TP63: variants seen among roughly 807,000 people sequenced by gnomAD.
TP63 encodes the protein tumor protein 63.
A neutral mutation model predicts 82.8 loss-of-function variants in TP63; 17 were observed. The observed-to-expected ratio is 0.21, with a 90% CI of 0.14 to 0.31. TP63 has a LOEUF of 0.31. Among genes scored for constraint, TP63 ranks in the 10% least tolerant of loss-of-function variants. The pLI is 1.00. For synonymous variants in TP63, 330 were observed against 321.7 expected (o/e 1.03, Z -0.28); for missense variants, 648 against 895.3 (o/e 0.72, Z 3.52).
At chr3:189,881,483 T>C in intron 10 of TP63, 1 of 985,428 alleles carries the variant, frequency 1.0e-6, no homozygotes, top group Non-Finnish European at 1.2e-6. Context: ...AATAAACTTT[T>C]GCATCTTGGT....
At chr3:189,753,734 T>A (rs1341015547) in intron 3 of TP63, among the ~76,000 whole-genome samples, 1 of 152,072 alleles carries the variant, frequency 6.6e-6, no homozygotes, top group Non-Finnish European at 1.5e-5. Context: ...CCTGTGCTCC[T>A]CCCTTTCTTT....
In TP63 at chr3:189,869,372, G is replaced by A. The variant is rs1173679499; in HGVS notation, c.1178G>A (p.Arg393Gln). 14 of 1,614,016 alleles carry A rather than the reference G, an allele frequency of 8.7e-6. No individual in the cohort carries two copies. The highest frequency in any genetic ancestry group is 2.2e-5 in the East Asian group (1 of 44,866). The change falls in exon 9 of 14, where the codon CGA (arginine) becomes CAA (glutamine). Residue 393 changes from arginine (R) to glutamine (Q), a missense_variant. By Grantham distance (43) the Arg-to-Gln change is conservative (BLOSUM62 1). Around this residue, in one of 5 missense-constraint regions of TP63, gnomAD observed 342 missense variants for 425.7 expected, o/e 0.80. Transcript: ENST00000264731. ...ATCCAGATGACATCCATCAAGAAAC[G>A]AAGATCCCCAGATGATGAACTGTTA... ...HGIQMTSIKK[R>Q]RSPDDELLYL...
intron 3 of TP63, among the ~76,000 whole-genome samples, chr3:189,744,904 T>C (rs568432881): frequency 2.0e-5 from 3 of 151,994 alleles, no homozygotes; most frequent in African/African-American, 7.2e-5. Flanking sequence ...ACTGCAGGAG[T>C]CCAAAGGCTG....
intron 4 of TP63, among the ~76,000 whole-genome samples, chr3:189,825,061 G>C (rs938750853): frequency 1.3e-5 from 2 of 152,198 alleles, no homozygotes; most frequent in Non-Finnish European, 2.9e-5. Flanking sequence ...TGGCAAAGAA[G>C]GTAAAATGGT....
intron 13 of TP63, among the ~76,000 whole-genome samples, chr3:189,891,491 C>G (rs1309335657): frequency 6.6e-6 from 1 of 152,184 alleles, no homozygotes; most frequent in Non-Finnish European, 1.5e-5. Context: ...TAGAGCCCAG[C>G]CATTTCTAAT....
At chr3:189,797,598 G>A (rs1725845794) in intron 3 of TP63, among the ~76,000 whole-genome samples, 1 of 152,042 alleles carries the variant, frequency 6.6e-6, no homozygotes, top group African/African-American at 2.4e-5. Flanking sequence ...AACATCAGAT[G>A]TTTGGGGAAT....
intron 3 of TP63, among the ~76,000 whole-genome samples, chr3:189,765,782 C>T (rs557229753): frequency 1.3e-5 from 2 of 152,180 alleles, no homozygotes; most frequent in Admixed American, 1.3e-4. Context: ...AAGCACTGGC[C>T]TAGGAGCCAG....
intron 10 of TP63, among the ~76,000 whole-genome samples, chr3:189,875,621 T>TAC (rs1207174894): frequency 9.9e-6 from 1 of 101,406 alleles, no homozygotes; most frequent in African/African-American, 3.5e-5. Context: ...TATATATATA[T>TAC]ATATATATAT....
chr3:189,894,697 T>A lies in TP63; in HGVS notation c.*195T>A. ...TAATTCTGATTCTGGCTTTAAGCCT[T>A]CAAAACTATAGCTTGCAGAACTGTA... On this transcript the variant is annotated 3_prime_UTR_variant, in exon 14 of 14. Coordinates refer to ENST00000264731, the MANE Select transcript of TP63 (RefSeq NM_003722.5). 2.9e-6 allele frequency: 2 copies of A among 684,748 alleles called. No individual in the cohort carries two copies. The highest frequency in any genetic ancestry group is 2.4e-6 in the Non-Finnish European group (1 of 414,856). 42.4% of individuals were successfully genotyped at this position (684,748 alleles called of 1,614,324 possible).
At chr3:189,667,287 G>T (rs900721855) in intron 1 of TP63, among the ~76,000 whole-genome samples, 2 of 148,698 alleles carry the variant, frequency 1.3e-5, no homozygotes, top group Admixed American at 6.9e-5. Flanking sequence ...AGATTCTCCT[G>T]CCTCAGCCTC....
the TP63 span, among the ~76,000 whole-genome samples, chr3:189,610,028 CTCA>C: frequency 5.3e-5 from 8 of 152,190 alleles, no homozygotes; most frequent in African/African-American, 1.9e-4. Flanking sequence ...TCTCAGCAAT[CTCA>C]CTAGCATTTG....
chr3:189,765,433 C>CCTTTTTTTT (rs1722869060), intron 3 of TP63, among the ~76,000 whole-genome samples: 1 of 30,088 alleles, frequency 3.3e-5, no homozygotes, highest in Non-Finnish European at 5.9e-5. Context: ...CTGTCCTCTG[C>CCTTTTTTTT]TTTTTTTTTT....
chr3:189,597,928 C>CAAAAAAAAAAA, the TP63 span, among the ~76,000 whole-genome samples: 1 of 130,868 alleles, frequency 7.6e-6, no homozygotes, highest in Non-Finnish European at 1.7e-5. Flanking sequence ...GACCCTGCCT[C>CAAAAAAAAAAA]AAAAAAAAAA....
At chr3:189,789,824 C>T (rs1576959953) in intron 3 of TP63, 2 of 1,596,560 alleles carry the variant, frequency 1.3e-6, no homozygotes, top group Non-Finnish European at 1.7e-6. Flanking sequence ...AAAACAATGC[C>T]CAGACTCAAT....
At chr3:189,662,112 G>C (rs1713936571) in intron 1 of TP63, among the ~76,000 whole-genome samples, 1 of 151,750 alleles carries the variant, frequency 6.6e-6, no homozygotes, top group South Asian at 2.1e-4. Context: ...CTAATTTTGG[G>C]GTTAGTTTGT....
At chr3:189,650,674 A>G (rs144861766) in intron 1 of TP63, among the ~76,000 whole-genome samples, 2 of 147,810 alleles carry the variant, frequency 1.4e-5, no homozygotes, top group East Asian at 2.3e-4. Flanking sequence ...CTGTGAGTCA[A>G]TTAAAACTAT....
intron 1 of TP63, among the ~76,000 whole-genome samples, chr3:189,709,123 T>C (rs1348980390): frequency 1.3e-5 from 2 of 152,236 alleles, no homozygotes; most frequent in African/African-American, 4.8e-5. Flanking sequence ...TTGTACATCA[T>C]GAAAATGTAC....
intron 1 of TP63, among the ~76,000 whole-genome samples, chr3:189,693,963 C>A (rs940462726): frequency 6.6e-6 from 1 of 152,048 alleles, no homozygotes; most frequent in African/African-American, 2.4e-5. Context: ...TATTACATGG[C>A]CATATTGTTT....
At chr3:189,724,109 T>G (rs1417039078) in intron 1 of TP63, among the ~76,000 whole-genome samples, 1 of 151,234 alleles carries the variant, frequency 6.6e-6, no homozygotes, top group East Asian at 2.0e-4. Flanking sequence ...TTAGGAGTTA[T>G]CCAACCTATA....
Sources: gnomAD v4.1 joint callset for allele counts (sites outside exome capture counted in the v4.1 genomes callset) on GRCh38, gnomAD v4.1.1 for gene constraint, gnomAD v4.1.1 regional missense constraint, MANE v1.5 for transcripts, NCBI Gene and HGNC (gene_info 2026-07-23, HGNC 2026-07-21) for gene names.